WWOX: variants seen among roughly 807,000 people sequenced by gnomAD.
The protein encoded by WWOX is WW domain containing oxidoreductase.
In WWOX, 69 loss-of-function variants were observed where a neutral mutation model predicts 46.2. The ratio of observed to expected loss-of-function variants is 1.49; its 90% CI spans 1.23 to 1.82. The LOEUF (loss-of-function observed/expected upper bound fraction) is 1.82, where lower values mean the gene tolerates loss of function less well. WWOX is among the 40% of genes most tolerant of loss of function. The pLI is 0.00. For missense variants in WWOX, 919 were observed against 542.6 expected (o/e 1.69, Z -6.89); for synonymous variants, 359 against 202.6 (o/e 1.77, Z -6.56).
At chr16:78,440,627 T>TC (rs2083423434) in intron 8 of WWOX, among the ~76,000 whole-genome samples, 2 of 151,850 alleles carry the variant, frequency 1.3e-5, no homozygotes, top group African/African-American at 4.8e-5. Context: ...TTTTTTTTCT[T>TC]TTTTTTTGAG....
intron 5 of WWOX, among the ~76,000 whole-genome samples, chr16:78,358,417 G>A (rs1234064222): frequency 6.6e-6 from 1 of 152,122 alleles, no homozygotes; most frequent in Non-Finnish European, 1.5e-5. Context: ...CGGCACTTTG[G>A]GAGGCTGAGG....
chr16:78,125,603 T>G (rs1253105869), intron 4 of WWOX, among the ~76,000 whole-genome samples: 1 of 152,122 alleles, frequency 6.6e-6, no homozygotes, highest in African/African-American at 2.4e-5. Context: ...GGTTCACGCC[T>G]GTAAACCCAG....
intron 8 of WWOX, among the ~76,000 whole-genome samples, chr16:78,594,037 C>T (rs1375779280): frequency 1.3e-5 from 2 of 152,220 alleles, no homozygotes; most frequent in East Asian, 3.9e-4. Context: ...GGGAAAATAT[C>T]GTGAGGCGGA....
At chr16:78,166,506 T>C (rs1267857468) in intron 5 of WWOX, among the ~76,000 whole-genome samples, 1 of 152,208 alleles carries the variant, frequency 6.6e-6, no homozygotes, top group African/African-American at 2.4e-5. Context: ...CATATGCATT[T>C]AAAATTTTGG....
chr16:78,545,942 A>T (rs2044020778), intron 8 of WWOX, among the ~76,000 whole-genome samples: 1 of 152,078 alleles, frequency 6.6e-6, no homozygotes, highest in South Asian at 2.1e-4. Flanking sequence ...TAACTTAGTT[A>T]CCCTTTCAAA....
intron 8 of WWOX, among the ~76,000 whole-genome samples, chr16:78,943,884 A>T (rs1234023203): frequency 6.6e-6 from 1 of 152,138 alleles, no homozygotes; most frequent in Admixed American, 6.5e-5. Context: ...GTGGTCCCTG[A>T]GATGAAGCAG....
chr16:78,520,085 T>G (rs2151497152), intron 8 of WWOX, among the ~76,000 whole-genome samples: 1 of 152,280 alleles, frequency 6.6e-6, no homozygotes, highest in South Asian at 2.1e-4. Context: ...TTTCGAAAGG[T>G]TTCTCCCTCC....
At chr16:78,740,486 G>A (rs183027115) in intron 8 of WWOX, among the ~76,000 whole-genome samples, 7 of 152,132 alleles carry the variant, frequency 4.6e-5, no homozygotes, top group Non-Finnish European at 1.0e-4. Flanking sequence ...ACTGATTTCC[G>A]TTGCCCTCTG....
At chr16:78,555,512 T>C (rs1429294061) in intron 8 of WWOX, among the ~76,000 whole-genome samples, 2 of 152,038 alleles carry the variant, frequency 1.3e-5, no homozygotes, top group Non-Finnish European at 2.9e-5. Flanking sequence ...CATCGATGTC[T>C]CGGGGCTTCT....
intron 8 of WWOX, among the ~76,000 whole-genome samples, chr16:79,189,976 C>T (rs1039046910): frequency 6.6e-6 from 1 of 152,002 alleles, no homozygotes; most frequent in Admixed American, 6.6e-5. Context: ...CATTTGATTG[C>T]TCCATTATTT....
chr16:79,117,906 C>G (rs2049549773), intron 8 of WWOX, among the ~76,000 whole-genome samples: 1 of 152,198 alleles, frequency 6.6e-6, no homozygotes, highest in Admixed American at 6.5e-5. Context: ...AATGTTGTGG[C>G]TGGTTTGATC....
intron 8 of WWOX, among the ~76,000 whole-genome samples, chr16:78,859,032 ATATATATATATATATATGT>A (rs2052649120): frequency 1.4e-4 from 6 of 42,732 alleles, no homozygotes; most frequent in African/African-American, 5.9e-4. Flanking sequence ...AAAAAAATAT[ATATATATATATATATATGT>A]ATATATATAT....
At chr16:78,293,254 G>T (rs967666174) in intron 5 of WWOX, among the ~76,000 whole-genome samples, 1 of 152,192 alleles carries the variant, frequency 6.6e-6, no homozygotes. Context: ...GGTGTTGCAA[G>T]AATTAACAAG....
In WWOX at chr16:78,493,597, A is replaced by G. The variant is rs143446081; in HGVS notation, c.1056+60845A>G. 2.0e-5 allele frequency among the ~76,000 whole-genome samples: 3 copies of G among 152,336 alleles called. No homozygotes were observed. The East Asian group carries it at 5.8e-4, about 29-fold the overall frequency. On this transcript the variant is annotated intron_variant, in intron 8 of 8. Coordinates refer to ENST00000566780, the MANE Select transcript of WWOX (RefSeq NM_016373.4). ...TTCTTTTTACAAGTTCTGATTAATG[A>G]CACCGCAAAAATGAAAATAATGAGC...
intron 8 of WWOX, among the ~76,000 whole-genome samples, chr16:78,713,648 C>G (rs1597480153): frequency 6.6e-6 from 1 of 152,232 alleles, no homozygotes; most frequent in East Asian, 1.9e-4. Context: ...ACCACAGTGG[C>G]AAAAGACACA....
At chr16:78,156,052 T>C (rs926450602) in intron 4 of WWOX, among the ~76,000 whole-genome samples, 2 of 152,204 alleles carry the variant, frequency 1.3e-5, no homozygotes, top group Non-Finnish European at 2.9e-5. Flanking sequence ...TTGCAGCTTT[T>C]AAAAGTAGAC....
chr16:78,464,723 T>A (rs1046662612), intron 8 of WWOX, among the ~76,000 whole-genome samples: 1 of 152,108 alleles, frequency 6.6e-6, no homozygotes, highest in East Asian at 1.9e-4. Context: ...GAGGCCTCAT[T>A]GTTCATATTC....
intron 8 of WWOX, among the ~76,000 whole-genome samples, chr16:78,482,809 T>C (rs2084528886): frequency 6.6e-6 from 1 of 152,202 alleles, no homozygotes; most frequent in South Asian, 2.1e-4. Context: ...TGTTTCATTT[T>C]TCTTGGGAAG....
intron 8 of WWOX, among the ~76,000 whole-genome samples, chr16:78,824,664 A>C (rs1401234634): frequency 1.3e-5 from 2 of 152,206 alleles, no homozygotes; most frequent in Non-Finnish European, 2.9e-5. Context: ...GAAGAAGCGC[A>C]CGTGAGAACC....
Sources: gnomAD v4.1 joint callset for allele counts (sites outside exome capture counted in the v4.1 genomes callset) on GRCh38, gnomAD v4.1.1 for gene constraint, MANE v1.5 for transcripts, NCBI Gene and HGNC (gene_info 2026-07-23, HGNC 2026-07-21) for gene names.